The following TUSC3 variants were observed in gnomAD, a reference collection of about 807,000 sequenced individuals.
TUSC3 encodes tumor suppressor candidate 3, also known as dolichyl-diphosphooligosaccharide--protein glycosyltransferase subunit TUSC3.
TUSC3 carries 45 observed loss-of-function variants against 44.8 expected under a neutral mutation model. The ratio of observed to expected loss-of-function variants is 1.00; its 90% CI spans 0.79 to 1.29. The LOEUF (loss-of-function observed/expected upper bound fraction) is 1.29. Among genes scored for constraint, TUSC3 ranks in the 50% most tolerant of loss-of-function variants. The probability of loss-of-function intolerance (pLI) is 0.00; values close to 1 mark genes in which losing one functional copy is unlikely to be tolerated. For synonymous variants in TUSC3, 212 were observed against 152.9 expected (o/e 1.39, Z -2.85); for missense variants, 519 against 437.9 (o/e 1.19, Z -1.65).
At chr8:15,843,468 T>G in the TUSC3 span, among the ~76,000 whole-genome samples, 1 of 151,934 alleles carries the variant, frequency 6.6e-6, no homozygotes, top group East Asian at 1.9e-4. Flanking sequence ...GAGATGAATT[T>G]ATAGCAATGG....
chr8:15,679,306 T>G (rs1808315263), intron 6 of TUSC3, among the ~76,000 whole-genome samples: 1 of 152,054 alleles, frequency 6.6e-6, no homozygotes, highest in South Asian at 2.1e-4. Context: ...TTCTGACTTG[T>G]GGGAAATGGT....
At chr8:15,775,921 A>C in the TUSC3 span, among the ~76,000 whole-genome samples, 5 of 151,936 alleles carry the variant, frequency 3.3e-5, no homozygotes, top group African/African-American at 1.2e-4. Context: ...AGAGAACAAG[A>C]TATTCAAACC....
intron 1 of TUSC3, among the ~76,000 whole-genome samples, chr8:15,440,506 G>T (rs1800007129): frequency 6.6e-6 from 1 of 152,190 alleles, no homozygotes; most frequent in South Asian, 2.1e-4. Flanking sequence ...CACTGATGTT[G>T]CCGTGTGAAG....
intron 1 of TUSC3, among the ~76,000 whole-genome samples, chr8:15,595,588 T>G (rs761521980): frequency 1.3e-5 from 2 of 152,144 alleles, no homozygotes; most frequent in Non-Finnish European, 2.9e-5. Context: ...GTTTGTTTGT[T>G]TCAGGCGGGT....
chr8:15,417,960 A>G (rs544022913), intron 1 of TUSC3, among the ~76,000 whole-genome samples: 1 of 152,180 alleles, frequency 6.6e-6, no homozygotes, highest in East Asian at 1.9e-4. Flanking sequence ...TTACAGAAAC[A>G]ATTATTAAAA....
chr8:15,829,517 A>G, the TUSC3 span, among the ~76,000 whole-genome samples: 1 of 151,930 alleles, frequency 6.6e-6, no homozygotes, highest in African/African-American at 2.4e-5. Context: ...TTCAACATAA[A>G]TGAGTCCTTT....
intron 1 of TUSC3, among the ~76,000 whole-genome samples, chr8:15,546,510 A>G (rs941300865): frequency 1.3e-5 from 2 of 151,706 alleles, no homozygotes; most frequent in African/African-American, 4.8e-5. Context: ...TTAAGGCTTC[A>G]AAGATGTTAT....
intron 6 of TUSC3, among the ~76,000 whole-genome samples, chr8:15,678,159 A>T (rs1808270234): frequency 6.6e-6 from 1 of 152,158 alleles, no homozygotes; most frequent in Non-Finnish European, 1.5e-5. Context: ...GTGGTAAGGG[A>T]GCTGAGGTAT....
intron 2 of TUSC3, among the ~76,000 whole-genome samples, chr8:15,490,298 G>A (rs952723277): frequency 2.0e-5 from 3 of 152,114 alleles, no homozygotes; most frequent in Non-Finnish European, 4.4e-5. Context: ...AAATGCAGGT[G>A]GAATTCTGGC....
intron 1 of TUSC3, among the ~76,000 whole-genome samples, chr8:15,430,498 TATGACAGACC>T (rs1397731492): frequency 6.6e-6 from 1 of 150,660 alleles, no homozygotes; most frequent in Non-Finnish European, 1.5e-5. Flanking sequence ...AAGAGCTGTC[TATGACAGACC>T]CACAGCCAAT....
intron 6 of TUSC3, among the ~76,000 whole-genome samples, chr8:15,715,959 A>G (rs1381117975): frequency 6.6e-6 from 1 of 152,088 alleles, no homozygotes; most frequent in African/African-American, 2.4e-5. Context: ...CTGTGCTTAC[A>G]TATTCTAATG....
intron 2 of TUSC3, among the ~76,000 whole-genome samples, chr8:15,493,788 C>T (rs971647490): frequency 6.6e-6 from 1 of 152,156 alleles, no homozygotes; most frequent in Non-Finnish European, 1.5e-5. Flanking sequence ...ATTAAGTGTA[C>T]GTCTGGAATG....
intron 2 of TUSC3, among the ~76,000 whole-genome samples, chr8:15,485,897 A>T (rs548691203): frequency 7.9e-5 from 12 of 151,994 alleles, no homozygotes; most frequent in Non-Finnish European, 1.6e-4. Context: ...GGTTCAAGTG[A>T]TTCCTGCCTC....
At chr8:15,735,934 T>C (rs1256209392) in intron 7 of TUSC3, among the ~76,000 whole-genome samples, 1 of 151,682 alleles carries the variant, frequency 6.6e-6, no homozygotes, top group African/African-American at 2.4e-5. Context: ...TTCACTGTGT[T>C]AGCCAGGATG....
intron 3 of TUSC3, 46 bp downstream of exon 3, chr8:15,650,860 G>A (rs767720021): frequency 1.1e-5 from 18 of 1,574,354 alleles, no homozygotes; most frequent in Non-Finnish European, 1.5e-5. Context: ...GTTGTTTGTG[G>A]TCGATACATT....
chr8:15,721,727 T>A (rs886528898), intron 6 of TUSC3, among the ~76,000 whole-genome samples: 1 of 152,090 alleles, frequency 6.6e-6, no homozygotes, highest in African/African-American at 2.4e-5. Flanking sequence ...TCTAGAAATA[T>A]GTTATCAATA....
intron 5 of TUSC3, 56 bp downstream of exon 5, chr8:15,662,352 T>C: frequency 1.2e-6 from 2 of 1,600,222 alleles, no homozygotes; most frequent in Non-Finnish European, 1.7e-6. Flanking sequence ...ATAATATAAG[T>C]TGTATAATAT....
At chr8:15,570,883 C>T (rs551763717) in intron 1 of TUSC3, among the ~76,000 whole-genome samples, 2 of 144,398 alleles carry the variant, frequency 1.4e-5, no homozygotes, top group African/African-American at 5.0e-5. Context: ...CCGGATTGTT[C>T]AAAATATATA....
chr8:15,703,027 T>C (rs933847898), intron 6 of TUSC3, among the ~76,000 whole-genome samples: 3 of 152,156 alleles, frequency 2.0e-5, no homozygotes, highest in African/African-American at 7.2e-5. Flanking sequence ...GTAGTGAGGC[T>C]ATCTTCTTAT....
Sources: allele counts gnomAD v4.1 joint callset (sites outside exome capture counted in the v4.1 genomes callset), GRCh38; gene constraint gnomAD v4.1.1; transcripts MANE v1.5; gene names NCBI Gene and HGNC (gene_info 2026-07-23, HGNC 2026-07-21).